Variants in PTPRN2 observed in about 807,000 individuals in gnomAD.
The protein encoded by PTPRN2 is receptor-type tyrosine-protein phosphatase N2.
A neutral mutation model predicts 118.8 loss-of-function variants in PTPRN2; 74 were observed. That is an observed-to-expected ratio of 0.62 (90% CI 0.52 to 0.76). PTPRN2 has a LOEUF of 0.76. Ranked by LOEUF, PTPRN2 falls within the 30% of genes least tolerant of loss-of-function variation. The pLI, the probability that PTPRN2 is intolerant of heterozygous loss-of-function variation, is 0.00. For missense variants in PTPRN2, 1,481 were observed against 1,394.4 expected (o/e 1.06, Z -0.99); for synonymous variants, 641 against 608.0 (o/e 1.05, Z -0.80).
At chr7:157,654,865 T>C (rs745696115) in intron 14 of PTPRN2, among the ~76,000 whole-genome samples, 1 of 152,368 alleles carries the variant, frequency 6.6e-6, no homozygotes, top group South Asian at 2.1e-4. Context: ...TCCTCTTGGC[T>C]GACCTGTCAG....
rs148973831 is a variant in PTPRN2, at chr7:158,518,921, G to A, written c.113-29136C>T. Among the ~76,000 whole-genome samples the A allele has an allele frequency of 5.3e-3, 811 of 152,232 alleles. 5 individuals carry two copies. The highest frequency in any genetic ancestry group is 0.019 in the African/African-American group (774 of 41,532). ...AATCACTTGAATCTGGGAGGTGGAG[G>A]TTGCAGTGAGCTGAGATTACGCCAC... On this transcript the variant is annotated intron_variant, in intron 1 of 22. Coordinates refer to ENST00000389418, the MANE Select transcript of PTPRN2 (RefSeq NM_002847.5).
chr7:158,160,146 T>C (rs1224154874), intron 6 of PTPRN2, among the ~76,000 whole-genome samples: 2 of 152,182 alleles, frequency 1.3e-5, no homozygotes, highest in East Asian at 1.9e-4. Flanking sequence ...GGTGAAACTG[T>C]AGACTTCGTT....
intron 11 of PTPRN2, among the ~76,000 whole-genome samples, chr7:157,933,504 C>T (rs1030315347): frequency 2.8e-5 from 4 of 141,104 alleles, no homozygotes; most frequent in Non-Finnish European, 6.1e-5. Flanking sequence ...CTCTGATTGA[C>T]AGCTTTAGAG....
intron 2 of PTPRN2, among the ~76,000 whole-genome samples, chr7:158,463,714 C>T (rs372281078): frequency 3.3e-5 from 5 of 152,162 alleles, no homozygotes; most frequent in Non-Finnish European, 4.4e-5. Context: ...TCCTTACCAT[C>T]GCCATCATTG....
At chr7:158,330,509 T>A (rs1198497539) in intron 2 of PTPRN2, among the ~76,000 whole-genome samples, 37 of 106,778 alleles carry the variant, frequency 3.5e-4, no homozygotes, top group African/African-American at 1.1e-3. Flanking sequence ...CAGACGTCAC[T>A]CACACCCACA....
chr7:157,803,553 G>A lies in PTPRN2; in HGVS notation c.1788+95120C>T, dbSNP rs545080683. On this transcript the variant is annotated intron_variant, in intron 12 of 22. Transcript: ENST00000389418. ...CTTCCCCCGTGTTTTCTTCTAGTAC[G>A]TTTATGGTTTCCAGTCTTATGTCTC... Among the ~76,000 whole-genome samples the A allele has an allele frequency of 5.9e-5, 9 of 152,312 alleles. No individual in the cohort carries two copies. The East Asian group carries it at 1.7e-3, about 29-fold the overall frequency.
chr7:158,186,061 A>T (rs142881108), intron 5 of PTPRN2, among the ~76,000 whole-genome samples: 232 of 152,282 alleles, frequency 1.5e-3, no homozygotes, highest in Non-Finnish European at 2.6e-3. Flanking sequence ...ACTCAGCGAA[A>T]GCCCACAGGA....
At chr7:158,280,447 T>C (rs945342788) in intron 3 of PTPRN2, among the ~76,000 whole-genome samples, 3 of 152,186 alleles carry the variant, frequency 2.0e-5, no homozygotes, top group African/African-American at 4.8e-5. Context: ...CGCAGGATCA[T>C]CTCTACTCTG....
intron 11 of PTPRN2, among the ~76,000 whole-genome samples, chr7:157,992,847 T>C (rs150102348): frequency 9.2e-4 from 140 of 152,374 alleles, no homozygotes; most frequent in African/African-American, 3.1e-3. Context: ...TTTGGCTCCT[T>C]CTGCTCAGGA....
rs548652015 is a variant in PTPRN2 at position 157,813,178 on chromosome 7, C to T, written c.1788+85495G>A. Among the ~76,000 whole-genome samples the T allele has an allele frequency of 1.3e-5, 2 of 152,278 alleles. No homozygotes were observed. The highest frequency in any genetic ancestry group is 2.9e-5 in the Non-Finnish European group (2 of 68,030). On this transcript the variant is annotated intron_variant, in intron 12 of 22. Coordinates refer to ENST00000389418, the MANE Select transcript of PTPRN2 (RefSeq NM_002847.5). This position sits in a 1 kb window ranked among gnomAD's most constrained non-coding sequence, Gnocchi z 4.7. ...CCCACAGACAAGCATCTCCAGAGCG[C>T]GTGGGACCGTAGAGAAGGCAGTGAC...
At chr7:157,721,316 G>A (rs543979928) in intron 12 of PTPRN2, among the ~76,000 whole-genome samples, 5 of 152,242 alleles carry the variant, frequency 3.3e-5, no homozygotes, top group South Asian at 2.1e-4. Flanking sequence ...GGCTTCCCTC[G>A]TCGGAAAGTC....
intron 4 of PTPRN2, among the ~76,000 whole-genome samples, chr7:158,201,184 G>A (rs1221097681): frequency 6.6e-6 from 1 of 151,862 alleles, no homozygotes; most frequent in Non-Finnish European, 1.5e-5. Flanking sequence ...TGAGTAGCCA[G>A]GCGCCACCAC....
At chr7:158,133,578 A>C in intron 9 of PTPRN2, 99 bp downstream of exon 9, 12 of 1,463,298 alleles carry the variant, frequency 8.2e-6, no homozygotes, top group African/African-American at 1.4e-5. Context: ...GACACTTAAA[A>C]GCGTATGCAT....
At chr7:158,204,136 C>A (rs1422717313) in intron 4 of PTPRN2, among the ~76,000 whole-genome samples, 1 of 151,964 alleles carries the variant, frequency 6.6e-6, no homozygotes, top group African/African-American at 2.4e-5. Flanking sequence ...AAAGACGCAG[C>A]CCCCGCCCTC....
At chr7:158,203,225 CAAAAAAAAAAAAAAAA>C (rs56016358) in intron 4 of PTPRN2, among the ~76,000 whole-genome samples, 1 of 50,340 alleles carries the variant, frequency 2.0e-5, no homozygotes. Context: ...AAGCAAGAGC[CAAAAAAAAAAAAAAAA>C]AAAAAAAAAA....
chr7:157,888,001 G>A (rs983522058), intron 12 of PTPRN2, among the ~76,000 whole-genome samples: 2 of 150,448 alleles, frequency 1.3e-5, no homozygotes, highest in African/African-American at 4.9e-5. Context: ...AGCTTCCCAT[G>A]TGCTCTTGGG....
chr7:158,552,619 CTAT>C (rs1375463253), intron 1 of PTPRN2, among the ~76,000 whole-genome samples: 1 of 152,028 alleles, frequency 6.6e-6, no homozygotes, highest in African/African-American at 2.4e-5. Flanking sequence ...GCTAATTTTT[CTAT>C]TATTGGTAGA....
At chr7:157,707,614 C>T (rs541463029) in intron 12 of PTPRN2, among the ~76,000 whole-genome samples, 1 of 151,622 alleles carries the variant, frequency 6.6e-6, no homozygotes, top group South Asian at 2.1e-4. Flanking sequence ...GAGTCTCACT[C>T]TGTCACTAGG....
intron 11 of PTPRN2, 42 bp from the exon 12 acceptor site, chr7:157,898,779 G>C: frequency 6.6e-7 from 1 of 1,514,872 alleles, no homozygotes; most frequent in Non-Finnish European, 9.2e-7. Context: ...AGGTTGGAGA[G>C]GTCCTCAGTC....
Sources: gnomAD v4.1 joint callset for allele counts (sites outside exome capture counted in the v4.1 genomes callset) on GRCh38, gnomAD v4.1.1 for gene constraint, Gnocchi (gnomAD v3.1) non-coding constraint, MANE v1.5 for transcripts, NCBI Gene and HGNC (gene_info 2026-07-23, HGNC 2026-07-21) for gene names.